SCLT1: variants seen among roughly 807,000 people sequenced by gnomAD.
The protein encoded by SCLT1 is sodium channel and clathrin linker 1.
SCLT1 carries 78 observed loss-of-function variants against 112.8 expected under a neutral mutation model. The ratio of observed to expected loss-of-function variants is 0.69; its 90% confidence interval spans 0.58 to 0.83. SCLT1 has a LOEUF of 0.83. Ranked by LOEUF, SCLT1 falls within the 40% of genes least tolerant of loss-of-function variation. SCLT1 has a pLI of 0.00. For missense variants in SCLT1, 747 were observed against 770.4 expected (o/e 0.97, Z 0.36); for synonymous variants, 257 against 254.7 (o/e 1.01, Z -0.09).
intron 18 of SCLT1, among the ~76,000 whole-genome samples, chr4:128,916,180 T>G (rs1172681633): frequency 6.6e-6 from 1 of 152,232 alleles, no homozygotes; most frequent in Non-Finnish European, 1.5e-5. Flanking sequence ...CTAATAATAC[T>G]GCTGAACACT....
intron 1 of SCLT1, among the ~76,000 whole-genome samples, chr4:129,086,714 T>G (rs188189949): frequency 1.7e-3 from 254 of 152,136 alleles, no homozygotes; most frequent in African/African-American, 5.9e-3. Flanking sequence ...GAAGGACTAA[T>G]GGGCAATGGT....
intron 2 of SCLT1, among the ~76,000 whole-genome samples, chr4:129,063,619 G>A (rs1013756999): frequency 5.3e-5 from 8 of 152,168 alleles, no homozygotes; most frequent in Non-Finnish European, 1.0e-4. Flanking sequence ...TCACCTGTGG[G>A]CCAGCTGGTG....
intron 5 of SCLT1, among the ~76,000 whole-genome samples, chr4:129,021,059 C>T (rs1745425774): frequency 1.3e-5 from 2 of 152,184 alleles, no homozygotes; most frequent in Admixed American, 1.3e-4. Flanking sequence ...GTACTCAGTT[C>T]ATCTCATCGG....
At chr4:129,041,184 A>G (rs1747667277) in intron 4 of SCLT1, among the ~76,000 whole-genome samples, 1 of 152,224 alleles carries the variant, frequency 6.6e-6, no homozygotes, top group South Asian at 2.1e-4. Flanking sequence ...TCATTTGTGC[A>G]AAAGAGAGCT....
At chr4:129,028,737 G>A (rs1746387346) in intron 5 of SCLT1, among the ~76,000 whole-genome samples, 1 of 151,968 alleles carries the variant, frequency 6.6e-6, no homozygotes, top group African/African-American at 2.4e-5. Context: ...AGAGTGAACA[G>A]GCAACCTACA....
In SCLT1 at chr4:129,025,308, G is replaced by A. The variant is rs949404006; in HGVS notation, c.290+13733C>T. 4.7e-3 allele frequency among the ~76,000 whole-genome samples: 718 copies of A among 152,266 alleles called. 4 individuals carry two copies. The highest frequency in any genetic ancestry group is 0.016 in the African/African-American group (658 of 41,540). On this transcript the variant is annotated intron_variant, in intron 5 of 20. Coordinates refer to ENST00000281142, the MANE Select transcript of SCLT1 (RefSeq NM_144643.4). ...TAAGGGCAGCCAGAGAGAAAGGTCG[G>A]GTTACCCACAAAGGGAAGCCCATCA...
chr4:128,906,099 C>G (rs1173692166), intron 18 of SCLT1, among the ~76,000 whole-genome samples: 1 of 152,148 alleles, frequency 6.6e-6, no homozygotes, highest in Admixed American at 6.5e-5. Context: ...GTTGCCTAGT[C>G]CATCCAGTAA....
rs546210842 is a variant in SCLT1 at position 128,910,119 on chromosome 4, C to T, written c.1830-18982G>A. On this transcript the variant is annotated intron_variant, in intron 18 of 20. Coordinates refer to ENST00000281142, the MANE Select transcript of SCLT1 (RefSeq NM_144643.4). Reference sequence around the variant, plus strand: ...TACACATGCAAGTATTTCTATAGGACAGACTCCTGTACCAGGAACTGCAAA... The same window carrying T: ...TACACATGCAAGTATTTCTATAGGATAGACTCCTGTACCAGGAACTGCAAA... Among the ~76,000 whole-genome samples, 7 of 152,280 alleles carry T rather than the reference C, an allele frequency of 4.6e-5. No homozygotes were observed. In the South Asian group the frequency reaches 1.5e-3, roughly 32 times the overall value.
At chr4:128,927,566 C>A (rs1579400305) in intron 18 of SCLT1, among the ~76,000 whole-genome samples, 2 of 150,928 alleles carry the variant, frequency 1.3e-5, no homozygotes, top group South Asian at 4.2e-4. Flanking sequence ...AAGAGTGAGA[C>A]CCTGTCTCAG....
intron 2 of SCLT1, among the ~76,000 whole-genome samples, chr4:129,054,709 C>T (rs1047954097): frequency 1.6e-4 from 25 of 152,090 alleles, no homozygotes; most frequent in African/African-American, 6.0e-4. Context: ...GCTCCTTTAG[C>T]TCAGAGGAGT....
intron 2 of SCLT1, among the ~76,000 whole-genome samples, chr4:129,061,809 G>C (rs1561036115): frequency 6.6e-6 from 1 of 152,042 alleles, no homozygotes; most frequent in Non-Finnish European, 1.5e-5. Context: ...GTTAATGAAG[G>C]GGAGCTACTT....
At chr4:129,018,694 C>G (rs1368848455) in intron 5 of SCLT1, among the ~76,000 whole-genome samples, 1 of 152,006 alleles carries the variant, frequency 6.6e-6, no homozygotes, top group Non-Finnish European at 1.5e-5. Context: ...TGGCATTATA[C>G]CAAATAATTA....
chr4:128,909,909 A>C (rs1263495136), intron 18 of SCLT1, among the ~76,000 whole-genome samples: 2 of 152,232 alleles, frequency 1.3e-5, no homozygotes, highest in Non-Finnish European at 2.9e-5. Flanking sequence ...GAAGTCTTTA[A>C]GTAGGCAGGG....
intron 2 of SCLT1, among the ~76,000 whole-genome samples, chr4:129,052,968 C>T (rs769277778): frequency 1.4e-4 from 21 of 152,130 alleles, no homozygotes; most frequent in Non-Finnish European, 2.9e-4. Flanking sequence ...TTTATTTCTG[C>T]CTTCATTTCG....
intron 4 of SCLT1, among the ~76,000 whole-genome samples, chr4:128,875,417 T>C (rs1381426210): frequency 6.6e-6 from 1 of 152,148 alleles, no homozygotes; most frequent in East Asian, 1.9e-4. Context: ...GACTGAAAAA[T>C]AACGGTTTGA....
At chr4:128,900,182 G>T (rs1325303442) in intron 18 of SCLT1, among the ~76,000 whole-genome samples, 1 of 152,148 alleles carries the variant, frequency 6.6e-6, no homozygotes, top group Non-Finnish European at 1.5e-5. Context: ...CTACTTGAAA[G>T]TTCATATGGA....
At chr4:129,067,070 A>C (rs1750554233) in intron 2 of SCLT1, among the ~76,000 whole-genome samples, 1 of 152,322 alleles carries the variant, frequency 6.6e-6, no homozygotes, top group African/African-American at 2.4e-5. Flanking sequence ...TGGTAGGTAC[A>C]CAGGTATTAG....
intron 18 of SCLT1, 135 bp downstream of exon 18, chr4:128,936,520 T>C (rs941079486): frequency 4.0e-5 from 20 of 497,920 alleles, no homozygotes; most frequent in Non-Finnish European, 7.0e-5. Context: ...TATAGTAGTT[T>C]CATAAATATT....
chr4:128,968,495 AT>A (rs746584572), intron 10 of SCLT1, among the ~76,000 whole-genome samples: 1 of 152,172 alleles, frequency 6.6e-6, no homozygotes, highest in Non-Finnish European at 1.5e-5. Flanking sequence ...ACAGATTTTA[AT>A]TCCTTGAACA....
Sources: gnomAD v4.1 joint callset for allele counts (sites outside exome capture counted in the v4.1 genomes callset) on GRCh38, gnomAD v4.1.1 for gene constraint, MANE v1.5 for transcripts, NCBI Gene and HGNC (gene_info 2026-07-23, HGNC 2026-07-21) for gene names.